The following SYNGR1 variants were observed in gnomAD, a reference collection of about 807,000 sequenced individuals.
SYNGR1 encodes the protein synaptogyrin-1.
A neutral mutation model predicts 26.1 loss-of-function variants in SYNGR1; 14 were observed. The ratio of observed to expected loss-of-function variants is 0.54; its 90% CI spans 0.35 to 0.84. SYNGR1 has a LOEUF of 0.84. Ranked by LOEUF, SYNGR1 falls within the 40% of genes least tolerant of loss-of-function variation. SYNGR1 has a pLI of 0.01. For synonymous variants in SYNGR1, 141 were observed against 150.1 expected (o/e 0.94, Z 0.44); for missense variants, 319 against 332.9 (o/e 0.96, Z 0.33).
chr22:39,354,509 C>T (rs1924059292), intron 1 of SYNGR1, among the ~76,000 whole-genome samples: 1 of 152,044 alleles, frequency 6.6e-6, no homozygotes, highest in Non-Finnish European at 1.5e-5. Flanking sequence ...ACCCCCTCCA[C>T]TCCACCCCCC....
chr22:39,383,039 C>G lies in SYNGR1; in HGVS notation c.*1125C>G, dbSNP rs955409282. The G allele has an allele frequency of 6.6e-6, 1 of 152,384 alleles. No individual in the cohort carries two copies. Among genetic ancestry groups the G allele is most frequent in the Non-Finnish European group, 1.5e-5 (1 of 68,168 alleles). 9.4% of individuals were successfully genotyped at this position (152,384 alleles called of 1,614,324 possible). On this transcript the variant is annotated 3_prime_UTR_variant, in exon 4 of 4. Coordinates refer to ENST00000328933, the MANE Select transcript of SYNGR1 (RefSeq NM_004711.5). ...CCCTGACGCCTGGGTTTCTTGGCCC[C>G]AGCTGCCCAGCAGGTGCCTCGATTC...
intron 1 of SYNGR1, among the ~76,000 whole-genome samples, chr22:39,371,557 G>C (rs1925020050): frequency 6.6e-6 from 1 of 152,000 alleles, no homozygotes; most frequent in African/African-American, 2.4e-5. Flanking sequence ...TGGGAGGCTT[G>C]GGGCTGGTGG....
intron 1 of SYNGR1, among the ~76,000 whole-genome samples, chr22:39,353,751 A>G (rs1004224178): frequency 1.1e-4 from 16 of 152,236 alleles, no homozygotes; most frequent in Admixed American, 6.5e-5. Context: ...GCAAGAAGCT[A>G]AACTGATTTA....
chr22:39,353,429 T>G (rs1189145566), intron 1 of SYNGR1, among the ~76,000 whole-genome samples: 2 of 152,186 alleles, frequency 1.3e-5, no homozygotes, highest in African/African-American at 4.8e-5. Flanking sequence ...TCCTCCCACC[T>G]CAGCCTTGTG....
chr22:39,374,282 GC>G lies in SYNGR1; in HGVS notation c.100-31del, dbSNP rs920752082. The G allele has an allele frequency of 3.1e-6, 5 of 1,605,946 alleles. No individual in the cohort carries two copies. In the Admixed American group the frequency reaches 5.0e-5, roughly 16 times the overall value. On this transcript the variant is annotated intron_variant, in intron 1 of 3. Coordinates refer to ENST00000328933, the MANE Select transcript of SYNGR1 (RefSeq NM_004711.5). ...CCTGGGTGGTGTGAGGCAGGGGTCT[GC>G]CCAGGTCTAAGGTGTGGCCCCACCC...
chr22:39,362,293 G>C (rs1601654932), intron 1 of SYNGR1, among the ~76,000 whole-genome samples: 1 of 152,120 alleles, frequency 6.6e-6, no homozygotes, highest in African/African-American at 2.4e-5. Context: ...GGGTCTGCTC[G>C]CCCAGGCCCT....
intron 3 of SYNGR1, chr22:39,377,330 C>G (rs914465375): frequency 1.0e-6 from 1 of 985,304 alleles, no homozygotes. Context: ...CTTGGCTGCT[C>G]CACCCCTCAG....
At position 39,354,513 on chromosome 22, in the gene SYNGR1, AC is replaced by A. The variant is rs371511118; in HGVS notation, c.99+4410del. On this transcript the variant is annotated intron_variant, in intron 1 of 3. Coordinates refer to ENST00000328933, the MANE Select transcript of SYNGR1 (RefSeq NM_004711.5). Reference sequence around the variant, plus strand: ...TGGTTTTATTCACCCCCTCCACTCCACCCCCCATCATCCCAAGTGAACACTG... The same window carrying A: ...TGGTTTTATTCACCCCCTCCACTCCACCCCCATCATCCCAAGTGAACACTG... 6.1e-3 allele frequency among the ~76,000 whole-genome samples: 932 copies of A among 151,906 alleles called. 11 individuals carry two copies. Among genetic ancestry groups the A allele is most frequent in the African/African-American group, 0.021 (878 of 41,420 alleles).
At chr22:39,361,005 C>G (rs531211002) in intron 1 of SYNGR1, among the ~76,000 whole-genome samples, 1 of 152,180 alleles carries the variant, frequency 6.6e-6, no homozygotes, top group African/African-American at 2.4e-5. Context: ...ACTGATCGGT[C>G]GTCCTTCTAG....
At chr22:39,379,034 G>A (rs544293572) in intron 3 of SYNGR1, among the ~76,000 whole-genome samples, 5 of 152,314 alleles carry the variant, frequency 3.3e-5, no homozygotes, top group Admixed American at 3.3e-4. Flanking sequence ...GGAGCTCGGG[G>A]AGAACCGCGT....
At chr22:39,372,830 G>A (rs1925092571) in intron 1 of SYNGR1, among the ~76,000 whole-genome samples, 2 of 152,112 alleles carry the variant, frequency 1.3e-5, no homozygotes, top group African/African-American at 2.4e-5. Flanking sequence ...ACTTGTGGGT[G>A]TTGGACTGAG....
At chr22:39,378,629 G>A (rs560946397) in intron 3 of SYNGR1, among the ~76,000 whole-genome samples, 68 of 152,306 alleles carry the variant, frequency 4.5e-4, no homozygotes, top group African/African-American at 1.4e-3. Flanking sequence ...TCAACCCTGC[G>A]AGGGCCTGAG....
At chr22:39,361,270 ACAACCTCAGG>A (rs774135692) in intron 1 of SYNGR1, among the ~76,000 whole-genome samples, 114 of 152,064 alleles carry the variant, frequency 7.5e-4, no homozygotes, top group Admixed American at 1.4e-3. Flanking sequence ...GAGAAACCAA[ACAACCTCAGG>A]CATGCAGGGA....
intron 1 of SYNGR1, among the ~76,000 whole-genome samples, chr22:39,362,536 A>G (rs5757637): frequency 0.89 from 135,375 of 151,962 alleles, 60,380 homozygotes; most frequent in East Asian, 0.99. Flanking sequence ...GGCTTCAGCC[A>G]TTTTCCTCAC....
chr22:39,364,026 C>T (rs969697078), intron 1 of SYNGR1: 4 of 1,090,554 alleles, frequency 3.7e-6, no homozygotes, highest in Non-Finnish European at 5.3e-6. Flanking sequence ...TGGCTGGGCA[C>T]AGCTCGCCCT....
Position 39,384,951 on chromosome 22 carries a change from C to A in SYNGR1, c.*3037C>A. ...GCAGTCACAGACTGTCCTGCCTGCA[C>A]GGCTCCTATCCACCTGGGGGTGTCG... is the stretch of plus-strand genomic sequence containing the variant. On this transcript the variant is annotated 3_prime_UTR_variant, in exon 4 of 4. Transcript: ENST00000328933. 2.5e-6 allele frequency: 1 copy of A among 398,946 alleles called. No homozygotes were observed. Among genetic ancestry groups the A allele is most frequent in the Non-Finnish European group, 4.4e-6 (1 of 226,190 alleles). The allele number at this position is 398,946 out of a possible 1,614,324, so 24.7% of individuals were successfully genotyped here.
At chr22:39,380,340 G>A (rs990531426) in intron 3 of SYNGR1, among the ~76,000 whole-genome samples, 4 of 152,130 alleles carry the variant, frequency 2.6e-5, no homozygotes, top group Non-Finnish European at 5.9e-5. Context: ...TTTCAACAAA[G>A]TCCAAGGCTG....
chr22:39,379,129 TC>T (rs1925412491), intron 3 of SYNGR1, among the ~76,000 whole-genome samples: 1 of 151,988 alleles, frequency 6.6e-6, no homozygotes, highest in Non-Finnish European at 1.5e-5. Context: ...GCTCTTCACC[TC>T]CCCTGCTTCT....
chr22:39,361,425 C>T (rs966954846), intron 1 of SYNGR1, among the ~76,000 whole-genome samples: 4 of 146,986 alleles, frequency 2.7e-5, no homozygotes, highest in African/African-American at 1.0e-4. Context: ...GTAGCACGAT[C>T]CCAACTCACT....
Sources: allele counts gnomAD v4.1 joint callset (sites outside exome capture counted in the v4.1 genomes callset), GRCh38; gene constraint gnomAD v4.1.1; transcripts MANE v1.5; gene names NCBI Gene and HGNC (gene_info 2026-07-23, HGNC 2026-07-21).